The following MTHFD2 variants were observed in gnomAD, a reference collection of about 807,000 sequenced individuals.
The protein encoded by MTHFD2 is methylenetetrahydrofolate dehydrogenase (NADP+ dependent) 2, methenyltetrahydrofolate cyclohydrolase.
Under a neutral mutation model 36.8 loss-of-function variants are expected in MTHFD2, and 26 were observed. That is an observed-to-expected ratio of 0.71 (90% CI 0.52 to 0.98). The LOEUF is 0.98. MTHFD2 is among the 50% of genes least tolerant of loss of function. The probability of loss-of-function intolerance (pLI) is 0.00; values close to 1 mark genes in which losing one functional copy is unlikely to be tolerated. For synonymous variants in MTHFD2, 164 were observed against 155.2 expected, an observed-to-expected ratio of 1.06 and a Z score of -0.42; for missense variants, 373 against 434.0, an observed-to-expected ratio of 0.86 and a Z score of 1.25.
At chr2:74,204,563 A>T (rs1013291163) in intron 1 of MTHFD2, among the ~76,000 whole-genome samples, 1 of 152,206 alleles carries the variant, frequency 6.6e-6, no homozygotes, top group Non-Finnish European at 1.5e-5. Flanking sequence ...ACTAACTCTC[A>T]CTGCTCTGTT....
In MTHFD2 at chr2:74,207,804, C is replaced by T; in HGVS notation, c.387C>T (p.Leu129=). 6.3e-7 allele frequency: 1 copy of T among 1,580,632 alleles called. No individual in the cohort carries two copies. The highest frequency in any genetic ancestry group is 8.7e-7 in the Non-Finnish European group (1 of 1,154,848). The change falls in exon 3 of 8, where the codon CTC becomes CTT. Residue 129 remains leucine (L), a synonymous_variant. Transcript: ENST00000394053. The part of the protein sequence containing the change: ...KLNNDDNVDG[L]LVQLPLPEHI... ...ATAATGATGATAATGTAGATGGCCT[C>T]CTTGTTCAGTTGCCTCTTCCAGGTG...
At position 74,207,700 on chromosome 2, in the gene MTHFD2, A is replaced by G. The variant is rs759402063; in HGVS notation, c.287-4A>G. ...TTTTTTAACCTCAAAATTTCTTATA[A>G]TAGGAATCAACAGTGAGACAATTAT... On this transcript the variant is annotated splice_polypyrimidine_tract_variant and splice_region_variant and intron_variant, in intron 2 of 7. Coordinates refer to ENST00000394053, the MANE Select transcript of MTHFD2 (RefSeq NM_006636.4). The G allele has an allele frequency of 6.3e-7, 1 of 1,598,720 alleles. No homozygotes were observed. Among genetic ancestry groups the G allele is most frequent in the South Asian group, 1.1e-5 (1 of 90,134 alleles).
chr2:74,205,919 G>A, intron 2 of MTHFD2, 30 bp downstream of exon 2: 1 of 1,598,826 alleles, frequency 6.3e-7, no homozygotes, highest in Non-Finnish European at 8.6e-7. Context: ...CTCGACTGCG[G>A]TTCAGTTGAG....
chr2:74,200,988 AATTTT>A (rs1225928742), intron 1 of MTHFD2, among the ~76,000 whole-genome samples: 7 of 152,056 alleles, frequency 4.6e-5, no homozygotes, highest in Admixed American at 1.3e-4. Flanking sequence ...TTTAGTTTTG[AATTTT>A]ATTTTATTTT....
At chr2:74,212,608 A>G (rs1224290490) in intron 7 of MTHFD2, among the ~76,000 whole-genome samples, 2 of 152,032 alleles carry the variant, frequency 1.3e-5, no homozygotes, top group Non-Finnish European at 2.9e-5. Flanking sequence ...CCTTTTTAAA[A>G]TTATGGCTTT....
rs373210488 is a variant in MTHFD2, at chr2:74,209,991, C to T, written c.612C>T (p.Asn204=). Residue 204 remains asparagine, a synonymous_variant, in exon 5 of 8, where the codon AAC becomes AAT. Transcript: ENST00000394053. ...KNVVVAGRSK[N]VGMPIAMLLH... is the part of the protein sequence containing the mutation. ...TGGTTGTGGCTGGAAGGTCAAAAAACGTTGGAATGCCCATTGCAATGTTAC... is the reference window on the plus strand; with the variant it reads ...TGGTTGTGGCTGGAAGGTCAAAAAATGTTGGAATGCCCATTGCAATGTTAC... 3.7e-6 allele frequency: 6 copies of T among 1,613,508 alleles called. No homozygotes were observed. In the South Asian group the frequency reaches 4.4e-5, roughly 12 times the overall value.
At chr2:74,209,339 T>G (rs780939743) in intron 4 of MTHFD2, among the ~76,000 whole-genome samples, 2 of 151,598 alleles carry the variant, frequency 1.3e-5, no homozygotes, top group South Asian at 4.2e-4. Flanking sequence ...ACCTCCTGAG[T>G]TCATGCCATT....
In MTHFD2 at chr2:74,214,414, T is replaced by C. The variant is rs1418429547; in HGVS notation, c.*172T>C. On this transcript the variant is annotated 3_prime_UTR_variant, in exon 8 of 8. Coordinates refer to ENST00000394053, the MANE Select transcript of MTHFD2 (RefSeq NM_006636.4). ...TTTCTGCACATACCTCTGCAGTACC[T>C]CACCAGGGAGCATTCCAGTATCATG... is the stretch of plus-strand genomic sequence containing the variant. The C allele has an allele frequency of 1.6e-6, 1 of 614,346 alleles. No homozygotes were observed. Among genetic ancestry groups the C allele is most frequent in the East Asian group, 3.4e-5 (1 of 29,566 alleles). The allele number at this position is 614,346 out of a possible 1,614,324, so 38.1% of individuals were successfully genotyped here.
At chr2:74,207,883 CCTCCCT>C in intron 3 of MTHFD2, 57 bp downstream of exon 3, 1 of 1,510,650 alleles carries the variant, frequency 6.6e-7, no homozygotes, top group Non-Finnish European at 9.0e-7. Context: ...TTTCCCTCTC[CCTCCCT>C]CTCTCTCTCC....
intron 4 of MTHFD2, 74 bp downstream of exon 4, chr2:74,208,795 C>G (rs1694241454): frequency 1.3e-6 from 2 of 1,487,026 alleles, no homozygotes; most frequent in African/African-American, 1.4e-5. Flanking sequence ...AAAACTCATA[C>G]AGTCCCAAAG....
intron 1 of MTHFD2, among the ~76,000 whole-genome samples, chr2:74,200,570 G>A (rs1694019500): frequency 1.3e-5 from 2 of 149,752 alleles, no homozygotes; most frequent in Admixed American, 6.6e-5. Flanking sequence ...TTTGTTGGAT[G>A]GTATGAGAGT....
At chr2:74,204,072 C>G (rs1196539087) in intron 1 of MTHFD2, among the ~76,000 whole-genome samples, 2 of 152,062 alleles carry the variant, frequency 1.3e-5, no homozygotes, top group East Asian at 1.9e-4. Flanking sequence ...CACCACCATG[C>G]CTGGCTAATT....
chr2:74,205,128 T>A (rs1159052075), intron 1 of MTHFD2, among the ~76,000 whole-genome samples: 1 of 152,136 alleles, frequency 6.6e-6, no homozygotes, highest in African/African-American at 2.4e-5. Context: ...CGGCCTATAT[T>A]GTTTGTTTAT....
intron 7 of MTHFD2, among the ~76,000 whole-genome samples, chr2:74,212,582 A>T (rs1694333236): frequency 6.6e-6 from 1 of 151,848 alleles, no homozygotes; most frequent in African/African-American, 2.4e-5. Flanking sequence ...TAGGCTTTTC[A>T]TAAGAATTAG....
chr2:74,208,900 G>A (rs936907109), intron 4 of MTHFD2, among the ~76,000 whole-genome samples, 179 bp downstream of exon 4: 6 of 151,840 alleles, frequency 4.0e-5, no homozygotes, highest in African/African-American at 1.5e-4. Flanking sequence ...TTGAGACAGG[G>A]TCTTGCTCTG....
intron 1 of MTHFD2, among the ~76,000 whole-genome samples, chr2:74,199,017 G>A (rs1168402965): frequency 6.6e-6 from 1 of 152,202 alleles, no homozygotes; most frequent in Non-Finnish European, 1.5e-5. Flanking sequence ...GGGGCCCGTG[G>A]CCAGTCGGCG....
intron 2 of MTHFD2, among the ~76,000 whole-genome samples, chr2:74,206,934 C>A (rs2103819891): frequency 6.6e-6 from 1 of 152,146 alleles, no homozygotes; most frequent in East Asian, 1.9e-4. Flanking sequence ...TGTCGAACTC[C>A]CGACCTTAGG....
chr2:74,209,542 C>T (rs376665312), intron 4 of MTHFD2, among the ~76,000 whole-genome samples: 4 of 152,146 alleles, frequency 2.6e-5, no homozygotes, highest in South Asian at 2.1e-4. Flanking sequence ...TGAGCCATCG[C>T]GCGTGGCCTC....
Position 74,210,027 on chromosome 2 carries a change from T to C in MTHFD2, c.648T>C (p.Asp216=), listed in dbSNP as rs1694271004. The C allele has an allele frequency of 6.2e-7, 1 of 1,613,480 alleles. No homozygotes were observed. The highest frequency in any genetic ancestry group is 8.5e-7 in the Non-Finnish European group (1 of 1,179,672). Residue 216 remains aspartate, a synonymous_variant, in exon 5 of 8, where the codon GAT becomes GAC. Coordinates refer to ENST00000394053, the MANE Select transcript of MTHFD2 (RefSeq NM_006636.4). The part of the protein sequence containing the change: ...GMPIAMLLHT[D]GAHERPGGDA... ...CCATTGCAATGTTACTGCACACAGA[T>C]GGGGCGCATGAACGTCCCGGAGGTA...
Sources: allele counts gnomAD v4.1 joint callset (sites outside exome capture counted in the v4.1 genomes callset), GRCh38; gene constraint gnomAD v4.1.1; transcripts MANE v1.5; gene names NCBI Gene and HGNC (gene_info 2026-07-23, HGNC 2026-07-21).